DCBLD2: variants seen among roughly 807,000 people sequenced by gnomAD.
DCBLD2 encodes the protein discoidin, CUB and LCCL domain-containing protein 2.
DCBLD2 carries 54 observed loss-of-function variants against 86.8 expected under a neutral mutation model. The observed-to-expected ratio is 0.62, with a 90% CI of 0.50 to 0.78. DCBLD2 has a LOEUF of 0.78. DCBLD2 is among the 30% of genes least tolerant of loss of function. DCBLD2 has a pLI of 0.00. For missense variants in DCBLD2, 908 were observed against 954.2 expected (o/e 0.95, Z 0.64); for synonymous variants, 354 against 341.3 (o/e 1.04, Z -0.41).
chr3:98,828,583 G>A (rs1942266602), intron 3 of DCBLD2, among the ~76,000 whole-genome samples: 1 of 152,158 alleles, frequency 6.6e-6, no homozygotes, highest in Non-Finnish European at 1.5e-5. Flanking sequence ...GGAGAAACTG[G>A]AGTCTTTATG....
At chr3:98,847,500 A>T (rs1942748198) in intron 3 of DCBLD2, among the ~76,000 whole-genome samples, 1 of 152,182 alleles carries the variant, frequency 6.6e-6, no homozygotes, top group African/African-American at 2.4e-5. Flanking sequence ...ATCTTGCCCT[A>T]CTGCTTATAA....
At chr3:98,889,192 G>C (rs1222632954) in intron 1 of DCBLD2, among the ~76,000 whole-genome samples, 1 of 151,978 alleles carries the variant, frequency 6.6e-6, no homozygotes, top group East Asian at 1.9e-4. Flanking sequence ...CTTTGTCAAA[G>C]AGTTGAGCAC....
intron 2 of DCBLD2, among the ~76,000 whole-genome samples, chr3:98,862,135 A>G (rs1403156483): frequency 6.6e-6 from 1 of 152,200 alleles, no homozygotes; most frequent in Non-Finnish European, 1.5e-5. Context: ...GAAATGGATA[A>G]GTTCCTGGAC....
intron 3 of DCBLD2, among the ~76,000 whole-genome samples, chr3:98,839,724 G>GT (rs1305679105): frequency 9.9e-5 from 15 of 152,164 alleles, no homozygotes; most frequent in Non-Finnish European, 1.9e-4. Context: ...CGTATAGGGA[G>GT]TATACCTCTG....
intron 12 of DCBLD2, 111 bp downstream of exon 12, chr3:98,811,083 A>G: frequency 7.8e-7 from 1 of 1,283,532 alleles, no homozygotes; most frequent in Non-Finnish European, 1.0e-6. Flanking sequence ...TGCTATACTT[A>G]AAAACTATAG....
rs780577512 is a variant in DCBLD2, at chr3:98,901,233, G to T, written c.94C>A (p.Leu32Ile). 6 of 1,534,878 alleles carry T rather than the reference G, an allele frequency of 3.9e-6. No individual in the cohort carries two copies. The highest frequency in any genetic ancestry group is 5.2e-6 in the Non-Finnish European group (6 of 1,146,544). Residue 32 changes from leucine (L) to isoleucine (I), a missense_variant, in exon 1 of 16, where the codon CTC (leucine) becomes ATC (isoleucine). Physicochemically the swap from Leu to Ile is conservative, Grantham distance 5. This residue lies in a region of DCBLD2 where 294 missense variants were observed against 256.0 expected (regional missense o/e 1.15). Coordinates refer to ENST00000326840, the MANE Select transcript of DCBLD2 (RefSeq NM_080927.4). ...AAAPAWAALPLSRSLPPCSNS... is the reference protein window; with the variant it reads ...AAAPAWAALPISRSLPPCSNS... ...GAGCAGGGAGGGAGGGAGCGGGAGA[G>T]GGGGAGCGCGGCCCAGGCGGGGGCG...
At chr3:98,877,075 A>G (rs1337733373) in intron 2 of DCBLD2, among the ~76,000 whole-genome samples, 4 of 152,194 alleles carry the variant, frequency 2.6e-5, no homozygotes, top group Admixed American at 6.5e-5. Context: ...GAAGAAATGC[A>G]CTGTAAAGGG....
In DCBLD2 at chr3:98,879,543, C is replaced by T. The variant is rs568818191; in HGVS notation, c.433+1997G>A. On this transcript the variant is annotated intron_variant, in intron 2 of 15. Coordinates refer to ENST00000326840, the MANE Select transcript of DCBLD2 (RefSeq NM_080927.4). ...CTGGGACTACAGGCGCCCGCCACCA[C>T]GCCCGGCTCATTTTTTTGTATTTTC... is the stretch of plus-strand genomic sequence containing the variant. Among the ~76,000 whole-genome samples, 10 of 152,220 alleles carry T rather than the reference C, an allele frequency of 6.6e-5. No homozygotes were observed. In the East Asian group the frequency reaches 1.4e-3, roughly 21 times the overall value.
intron 2 of DCBLD2, among the ~76,000 whole-genome samples, chr3:98,868,083 G>A (rs192337284): frequency 3.3e-5 from 5 of 152,174 alleles, no homozygotes; most frequent in East Asian, 1.9e-4. Context: ...GATTACAGGC[G>A]TGAGCCACCG....
At position 98,901,369 on chromosome 3, in the gene DCBLD2, C is replaced by T; in HGVS notation, c.-43G>A. On this transcript the variant is annotated 5_prime_UTR_variant, in exon 1 of 16. Coordinates refer to ENST00000326840, the MANE Select transcript of DCBLD2 (RefSeq NM_080927.4). ...TGCCTGCATAGTGCGGGTGCCTCGG[C>T]AGCCCCGCGCGCCTCTGGCCGCGGC... 1 of 1,279,732 alleles carries T rather than the reference C, an allele frequency of 7.8e-7. No individual in the cohort carries two copies. Among genetic ancestry groups the T allele is most frequent in the Non-Finnish European group, 9.8e-7 (1 of 1,020,044 alleles). The allele number at this position is 1,279,732 out of a possible 1,614,324, so 79.3% of individuals were successfully genotyped here. A position where few individuals can be genotyped will look rare whatever the true frequency, so the allele number is the denominator to read the frequency against.
At chr3:98,888,637 A>ATAAAAGCTG (rs1327214355) in intron 1 of DCBLD2, among the ~76,000 whole-genome samples, 1 of 152,056 alleles carries the variant, frequency 6.6e-6, no homozygotes, top group East Asian at 1.9e-4. Flanking sequence ...GTCATAAAAG[A>ATAAAAGCTG]TCAGAACAGC....
chr3:98,816,666 G>A (rs559510037), intron 9 of DCBLD2, among the ~76,000 whole-genome samples: 1 of 152,272 alleles, frequency 6.6e-6, no homozygotes, highest in African/African-American at 2.4e-5. Context: ...TGAACAAAGA[G>A]ATGAGAAAAG....
chr3:98,863,797 G>A (rs1276037887), intron 2 of DCBLD2, among the ~76,000 whole-genome samples: 2 of 152,142 alleles, frequency 1.3e-5, no homozygotes, highest in Non-Finnish European at 2.9e-5. Context: ...CAGGACATAG[G>A]CATGGACTTC....
intron 2 of DCBLD2, among the ~76,000 whole-genome samples, chr3:98,870,344 C>G (rs999538120): frequency 1.3e-5 from 2 of 152,080 alleles, no homozygotes; most frequent in African/African-American, 4.8e-5. Flanking sequence ...ATTACTGTAG[C>G]CTTGCAGTAT....
rs1488546758 is a variant in DCBLD2 at position 98,799,598 on chromosome 3, AAAGT to A, written c.2098_2101del (p.Thr700SerfsTer11). Reference sequence around the variant, plus strand: ...GGGAGGTTGGTTCCCCGTAGCCTTGAAAGTGGATGTGGAGGGCTGACCAACTGAA... The same window carrying A: ...GGGAGGTTGGTTCCCCGTAGCCTTGAGGATGTGGAGGGCTGACCAACTGAA... On this transcript the variant is annotated frameshift_variant, in exon 16 of 16. Coordinates refer to ENST00000326840, the MANE Select transcript of DCBLD2 (RefSeq NM_080927.4). LOFTEE classifies it high-confidence loss of function. 1 of 1,613,996 alleles carries A rather than the reference AAAGT, an allele frequency of 6.2e-7. No individual in the cohort carries two copies. The highest frequency in any genetic ancestry group is 1.1e-5 in the South Asian group (1 of 91,076).
At chr3:98,858,319 C>T (rs1942975363) in intron 2 of DCBLD2, among the ~76,000 whole-genome samples, 1 of 152,256 alleles carries the variant, frequency 6.6e-6, no homozygotes, top group Non-Finnish European at 1.5e-5. Flanking sequence ...CCACACCTAC[C>T]CGCAAGCTGA....
intron 3 of DCBLD2, among the ~76,000 whole-genome samples, chr3:98,847,622 A>G (rs1029486997): frequency 3.3e-5 from 5 of 152,212 alleles, no homozygotes; most frequent in Admixed American, 2.6e-4. Flanking sequence ...ATAGCTGAGG[A>G]GGAATCGCTT....
At chr3:98,836,645 G>A (rs1340614430) in intron 3 of DCBLD2, among the ~76,000 whole-genome samples, 2 of 135,946 alleles carry the variant, frequency 1.5e-5, no homozygotes, top group South Asian at 2.3e-4. Context: ...CGGGCAGAGG[G>A]GCTCCTCACT....
chr3:98,837,848 G>T (rs1306842114), intron 3 of DCBLD2, among the ~76,000 whole-genome samples: 51 of 144,336 alleles, frequency 3.5e-4, no homozygotes, highest in African/African-American at 1.3e-3. Flanking sequence ...TCCCGGACGG[G>T]GCGGCTGGCC....
Sources: gnomAD v4.1 joint callset for allele counts (sites outside exome capture counted in the v4.1 genomes callset) on GRCh38, gnomAD v4.1.1 for gene constraint, gnomAD v4.1.1 regional missense constraint, MANE v1.5 for transcripts, NCBI Gene and HGNC (gene_info 2026-07-23, HGNC 2026-07-21) for gene names.